Variants in FRMD4A observed in about 807,000 individuals in gnomAD.
FRMD4A encodes the protein FERM domain-containing protein 4A.
FRMD4A carries 29 observed loss-of-function variants against 129.1 expected under a neutral mutation model. The ratio of observed to expected loss-of-function variants is 0.22; its 90% CI spans 0.17 to 0.31. The LOEUF (loss-of-function observed/expected upper bound fraction) is 0.31, where lower values mean the gene tolerates loss of function less well. FRMD4A is among the 10% of genes least tolerant of loss of function. The probability of loss-of-function intolerance (pLI) is 1.00; values close to 1 mark genes in which losing one functional copy is unlikely to be tolerated. For synonymous variants in FRMD4A, 634 were observed against 571.6 expected (o/e 1.11, Z -1.56); for missense variants, 1,272 against 1,375.8 (o/e 0.92, Z 1.19).
At chr10:14,210,429 C>T (rs1255974113) in intron 2 of FRMD4A, among the ~76,000 whole-genome samples, 2 of 152,160 alleles carry the variant, frequency 1.3e-5, no homozygotes, top group Non-Finnish European at 2.9e-5. Context: ...GCAGCCCAAA[C>T]AGACTAACAT....
At chr10:14,004,589 T>C (rs964258711) in intron 2 of FRMD4A, among the ~76,000 whole-genome samples, 28 of 152,302 alleles carry the variant, frequency 1.8e-4, no homozygotes, top group African/African-American at 5.1e-4. Flanking sequence ...AATGTTCTTA[T>C]ACACAAAGAC....
At chr10:14,168,390 A>C (rs527438282) in intron 2 of FRMD4A, among the ~76,000 whole-genome samples, 1 of 152,346 alleles carries the variant, frequency 6.6e-6, no homozygotes, top group South Asian at 2.1e-4. Context: ...TGCTGAATCC[A>C]CAGTCTCTTC....
At chr10:14,039,407 C>CATCCATCCATCCATCTATCTATCTATCT (rs1285305420) in intron 2 of FRMD4A, among the ~76,000 whole-genome samples, 3 of 147,700 alleles carry the variant, frequency 2.0e-5, no homozygotes, top group African/African-American at 5.2e-5. Context: ...TCCATCCATC[C>CATCCATCCATCCATCTATCTATCTATCT]ATCTATCTAT....
At chr10:13,834,726 C>T (rs970802710) in intron 3 of FRMD4A, among the ~76,000 whole-genome samples, 1 of 152,114 alleles carries the variant, frequency 6.6e-6, no homozygotes. Context: ...AGGGGGTGAA[C>T]AGGGAACTGA....
chr10:13,762,702 C>T (rs771758020), intron 6 of FRMD4A, 22 bp from the exon 7 acceptor site: 71 of 1,556,324 alleles, frequency 4.6e-5, no homozygotes, highest in East Asian at 6.7e-5. Context: ...AAGCAACAAA[C>T]GAAGACAAGT....
chr10:14,179,511 G>C (rs985554749), intron 2 of FRMD4A, among the ~76,000 whole-genome samples: 5 of 152,012 alleles, frequency 3.3e-5, no homozygotes, highest in African/African-American at 9.7e-5. Context: ...ACCCTCCTCA[G>C]CCACACATAT....
intron 14 of FRMD4A, 102 bp downstream of exon 14, chr10:13,701,238 C>A: frequency 9.4e-7 from 1 of 1,061,276 alleles, no homozygotes; most frequent in Non-Finnish European, 1.4e-6. Context: ...AGGTATGGAC[C>A]CGGGCAAGGG....
intron 3 of FRMD4A, among the ~76,000 whole-genome samples, chr10:13,854,180 T>C (rs1482037830): frequency 2.0e-5 from 3 of 152,192 alleles, no homozygotes; most frequent in Admixed American, 6.5e-5. Flanking sequence ...ACTTAAATCA[T>C]TCTCACTATG....
chr10:14,089,657 GAAGA>G (rs1378024245), intron 2 of FRMD4A, among the ~76,000 whole-genome samples: 1 of 121,240 alleles, frequency 8.2e-6, no homozygotes, highest in Non-Finnish European at 1.7e-5. Flanking sequence ...AAAAAAAACA[GAAGA>G]AAGAAATAAA....
rs115774160 is a variant in FRMD4A, at chr10:13,792,362, G to A, written c.299+4134C>T. On this transcript the variant is annotated intron_variant, in intron 5 of 24. Coordinates refer to ENST00000357447, the MANE Select transcript of FRMD4A (RefSeq NM_018027.5). ...AGACCTCTGGCCACAGGTCTTGGCA[G>A]GCTGCCACACTGAAGGGATACACAG... Among the ~76,000 whole-genome samples the A allele has an allele frequency of 9.5e-3, 1,447 of 152,180 alleles. 21 individuals carry two copies. Among genetic ancestry groups the A allele is most frequent in the African/African-American group, 0.033 (1,367 of 41,562 alleles).
At chr10:14,144,409 C>T (rs1224621674) in intron 2 of FRMD4A, among the ~76,000 whole-genome samples, 2 of 152,154 alleles carry the variant, frequency 1.3e-5, no homozygotes, top group Non-Finnish European at 2.9e-5. Flanking sequence ...CTGTTTGCTG[C>T]TGTTGTTTAA....
In FRMD4A at chr10:14,252,380, A is replaced by G. The variant is rs532827176; in HGVS notation, c.45+77678T>C. 3.9e-5 allele frequency among the ~76,000 whole-genome samples: 6 copies of G among 152,362 alleles called. No homozygotes were observed. In the South Asian group the frequency reaches 1.2e-3, roughly 32 times the overall value. On this transcript the variant is annotated intron_variant, in intron 2 of 24. Coordinates refer to ENST00000357447, the MANE Select transcript of FRMD4A (RefSeq NM_018027.5). ...GGACATTATTAAGAATGTTCTTTAC[A>G]GGAAAAGAAAATCCAAAAATCATGG...
rs576691609 is a variant in FRMD4A, at chr10:13,816,022, C to A, written c.112-5114G>T. Among the ~76,000 whole-genome samples, 3 of 152,312 alleles carry A rather than the reference C, an allele frequency of 2.0e-5. No homozygotes were observed. In the South Asian group the frequency reaches 6.2e-4, roughly 32 times the overall value. ...CTGAAGTCAAGGAAAAGGCTCTGAG[C>A]AGTAGCTGCCTGGCTGGAACAAACT... On this transcript the variant is annotated intron_variant, in intron 3 of 24. Coordinates refer to ENST00000357447, the MANE Select transcript of FRMD4A (RefSeq NM_018027.5).
At chr10:14,226,456 T>C (rs1379331741) in intron 2 of FRMD4A, among the ~76,000 whole-genome samples, 4 of 152,216 alleles carry the variant, frequency 2.6e-5, no homozygotes, top group Non-Finnish European at 5.9e-5. Flanking sequence ...GCTTAAACTA[T>C]AGAAATGTAC....
At position 13,866,367 on chromosome 10, in the gene FRMD4A, T is replaced by A. The variant is rs557532957; in HGVS notation, c.46-7455A>T. 3 of 594,034 alleles carry A rather than the reference T, an allele frequency of 5.1e-6. No homozygotes were observed. In the East Asian group the frequency reaches 4.2e-4, roughly 84 times the overall value. 36.8% of individuals were successfully genotyped at this position (594,034 alleles called of 1,614,324 possible). ...TCATGATCTGACCTCTGACCCAGGC[T>A]GTTGTGTGGCTCAGAAGGAAATTCC... On this transcript the variant is annotated intron_variant, in intron 2 of 24. Transcript: ENST00000357447.
chr10:13,701,456 A>G lies in FRMD4A; in HGVS notation c.859T>C (p.Phe287Leu). ...PRRASVTRRTFGHSGIAVHTW... is the reference protein window; with the variant it reads ...PRRASVTRRTLGHSGIAVHTW... ...TGCACTGCAATGCCGCTGTGCCCAAACGTCCTCCTTGTCACTGAAGCCCTG... is the reference window on the plus strand; with the variant it reads ...TGCACTGCAATGCCGCTGTGCCCAAGCGTCCTCCTTGTCACTGAAGCCCTG... Residue 287 changes from phenylalanine to leucine, a missense_variant, in exon 14 of 25, where the codon TTT becomes CTT. Physicochemically the swap from Phe to Leu is conservative, Grantham distance 22 (BLOSUM62 0). Transcript: ENST00000357447. The G allele has an allele frequency of 4.3e-6, 7 of 1,613,894 alleles. No individual in the cohort carries two copies. Among genetic ancestry groups the G allele is most frequent in the Non-Finnish European group, 4.2e-6 (5 of 1,179,842 alleles).
chr10:13,683,520 C>T (rs780091895), intron 15 of FRMD4A, among the ~76,000 whole-genome samples: 3 of 151,940 alleles, frequency 2.0e-5, no homozygotes, highest in Non-Finnish European at 4.4e-5. Context: ...TCCCTTGAAT[C>T]CGGGAGTTTG....
intron 2 of FRMD4A, among the ~76,000 whole-genome samples, chr10:13,899,654 C>T (rs781093070): frequency 2.6e-5 from 4 of 152,136 alleles, no homozygotes; most frequent in Non-Finnish European, 5.9e-5. Context: ...CAGAGCGAGA[C>T]CCTGTCTCTA....
In FRMD4A at chr10:13,884,182, A is replaced by G. The variant is rs78503354; in HGVS notation, c.46-25270T>C. Among the ~76,000 whole-genome samples, 368 of 56,264 alleles carry G rather than the reference A, an allele frequency of 6.5e-3. 5 individuals carry two copies. The highest frequency in any genetic ancestry group is 0.014 in the South Asian group (18 of 1,246). 36.9% of individuals were successfully genotyped at this position (56,264 alleles called of 152,430 possible). ...CACACACACACTCACACACTCACAC[A>G]CACACACACACACTCACACACACAC... is the stretch of plus-strand genomic sequence containing the variant. On this transcript the variant is annotated intron_variant, in intron 2 of 24. Transcript: ENST00000357447.
Sources: gnomAD v4.1 joint callset for allele counts (sites outside exome capture counted in the v4.1 genomes callset) on GRCh38, gnomAD v4.1.1 for gene constraint, MANE v1.5 for transcripts, NCBI Gene and HGNC (gene_info 2026-07-23, HGNC 2026-07-21) for gene names.